The following SULT1C4 variants were observed in gnomAD, a reference collection of about 807,000 sequenced individuals.
SULT1C4 encodes the protein sulfotransferase 1C4.
Under a neutral mutation model 34.8 loss-of-function variants are expected in SULT1C4, and 32 were observed. The observed-to-expected ratio is 0.92, with a 90% confidence interval of 0.69 to 1.23. The LOEUF (loss-of-function observed/expected upper bound fraction) is 1.23, where lower values mean the gene tolerates loss of function less well. Ranked by LOEUF, SULT1C4 falls within the 50% of genes most tolerant of loss-of-function variation. The pLI is 0.00. For missense variants in SULT1C4, 375 were observed against 365.9 expected (o/e 1.02, Z -0.20); for synonymous variants, 111 against 120.5 (o/e 0.92, Z 0.51).
intron 5 of SULT1C4, 39 bp from the exon 6 acceptor site, chr2:108,386,153 T>C: frequency 7.4e-7 from 1 of 1,359,964 alleles, no homozygotes. Context: ...TTAAACTAAT[T>C]CTATTAAATC....
At chr2:108,386,725 G>A (rs2104349437) in intron 6 of SULT1C4, among the ~76,000 whole-genome samples, 1 of 152,336 alleles carries the variant, frequency 6.6e-6, no homozygotes, top group East Asian at 1.9e-4. Flanking sequence ...TACTTACTGA[G>A]GGGCTTCTAT....
chr2:108,378,301 C>A lies in SULT1C4; in HGVS notation c.-37C>A. 1 of 1,595,364 alleles carries A rather than the reference C, an allele frequency of 6.3e-7. No homozygotes were observed. Among genetic ancestry groups the A allele is most frequent in the Middle Eastern group, 1.7e-4 (1 of 5,972 alleles). ...GCAGCCATATGCTGACTGAAGATAACTTTGTGTCTGGAAGAGCCCTCTGAT... is the reference window on the plus strand; with the variant it reads ...GCAGCCATATGCTGACTGAAGATAAATTTGTGTCTGGAAGAGCCCTCTGAT... On this transcript the variant is annotated 5_prime_UTR_variant, in exon 1 of 7. Coordinates refer to ENST00000272452, the MANE Select transcript of SULT1C4 (RefSeq NM_006588.4).
In SULT1C4 at chr2:108,387,689, C is replaced by T. The variant is rs1558703679; in HGVS notation, c.*257C>T. On this transcript the variant is annotated 3_prime_UTR_variant, in exon 7 of 7. Coordinates refer to ENST00000272452, the MANE Select transcript of SULT1C4 (RefSeq NM_006588.4). Reference sequence around the variant, plus strand: ...TCCTGGTATCATTGCCAATTATCATCATATTTACATTTTCTACAATCATGT... The same window carrying T: ...TCCTGGTATCATTGCCAATTATCATTATATTTACATTTTCTACAATCATGT... 5.5e-6 allele frequency: 2 copies of T among 365,244 alleles called. No homozygotes were observed. Among genetic ancestry groups the T allele is most frequent in the Non-Finnish European group, 9.8e-6 (2 of 203,980 alleles). 22.6% of individuals were successfully genotyped at this position (365,244 alleles called of 1,614,324 possible).
In SULT1C4 at chr2:108,378,377, AC is replaced by A. The variant is rs1678299349; in HGVS notation, c.41del (p.Thr14LysfsTer4). On this transcript the variant is annotated frameshift_variant, in exon 1 of 7. Transcript: ENST00000272452. LOFTEE classifies it high-confidence loss of function. ...CATGGAGGATTTTACATTTGATGGA[AC>A]AAAGCGCTTAAGTGTCAACTACGTG... is the stretch of plus-strand genomic sequence containing the variant. ...HDMEDFTFDG[T>X]KRLSVNYVKG... 7 of 1,613,908 alleles carry A rather than the reference AC, an allele frequency of 4.3e-6. No homozygotes were observed. Among genetic ancestry groups the A allele is most frequent in the Non-Finnish European group, 5.9e-6 (7 of 1,179,866 alleles).
At chr2:108,384,440 C>T (rs1021616098) in intron 5 of SULT1C4, among the ~76,000 whole-genome samples, 2 of 152,108 alleles carry the variant, frequency 1.3e-5, no homozygotes, top group Admixed American at 6.5e-5. Flanking sequence ...ACCGTGTTAG[C>T]CAGGTCTCAA....
rs1364467621 is a variant in SULT1C4 at position 108,388,142 on chromosome 2, G to C, written c.*710G>C. The C allele has an allele frequency of 2.0e-5, 3 of 152,152 alleles. No individual in the cohort carries two copies. Among genetic ancestry groups the C allele is most frequent in the Non-Finnish European group, 2.9e-5 (2 of 68,030 alleles). 9.4% of individuals were successfully genotyped at this position (152,152 alleles called of 1,614,324 possible). ...TAAATGCATCACTAACGTGTAAATA[G>C]TGACTGTTTGTTCCAGCAATTTTTT... On this transcript the variant is annotated 3_prime_UTR_variant, in exon 7 of 7. Transcript: ENST00000272452.
Position 108,387,408 on chromosome 2 carries a change from A to T in SULT1C4, c.885A>T (p.Arg295Ser), listed in dbSNP as rs1340301899. 3 of 1,613,130 alleles carry T rather than the reference A, an allele frequency of 1.9e-6. No homozygotes were observed. The highest frequency in any genetic ancestry group is 2.5e-6 in the Non-Finnish European group (3 of 1,179,458). ...ACAAGAAGAAAATGACTGATACCAG[A>T]CTAACTTTCCACTTCCAGTTCTAGT... The part of the protein sequence containing the change: ...EDYKKKMTDT[R>S]LTFHFQF Residue 295 changes from arginine (R) to serine (S), a missense_variant, in exon 7 of 7, where the codon AGA becomes AGT. Arg to Ser is a moderately radical substitution (Grantham distance 110). Coordinates refer to ENST00000272452, the MANE Select transcript of SULT1C4 (RefSeq NM_006588.4).
At chr2:108,386,061 T>C (rs1678558164) in intron 5 of SULT1C4, 131 bp from the exon 6 acceptor site, 2 of 693,426 alleles carry the variant, frequency 2.9e-6, no homozygotes, top group Non-Finnish European at 4.2e-6. Flanking sequence ...ATGAGTCACT[T>C]GAGCATTTGT....
chr2:108,387,689 C>A lies in SULT1C4; in HGVS notation c.*257C>A, dbSNP rs1558703679. Reference sequence around the variant, plus strand: ...TCCTGGTATCATTGCCAATTATCATCATATTTACATTTTCTACAATCATGT... The same window carrying A: ...TCCTGGTATCATTGCCAATTATCATAATATTTACATTTTCTACAATCATGT... On this transcript the variant is annotated 3_prime_UTR_variant, in exon 7 of 7. Coordinates refer to ENST00000272452, the MANE Select transcript of SULT1C4 (RefSeq NM_006588.4). 2.7e-6 allele frequency: 1 copy of A among 365,240 alleles called. No individual in the cohort carries two copies. Among genetic ancestry groups the A allele is most frequent in the Non-Finnish European group, 4.9e-6 (1 of 203,978 alleles). 22.6% of individuals were successfully genotyped at this position (365,240 alleles called of 1,614,324 possible).
intron 2 of SULT1C4, 131 bp downstream of exon 2, chr2:108,382,018 T>A: frequency 9.5e-7 from 1 of 1,050,224 alleles, no homozygotes; most frequent in Non-Finnish European, 1.3e-6. Flanking sequence ...TTTTTTTAAC[T>A]GTGTCTGGCC....
chr2:108,385,659 G>C (rs1678547463), intron 5 of SULT1C4, among the ~76,000 whole-genome samples: 1 of 152,000 alleles, frequency 6.6e-6, no homozygotes, highest in African/African-American at 2.4e-5. Context: ...AGCTACACTG[G>C]AACTCAGCTC....
chr2:108,378,447 A>C lies in SULT1C4; in HGVS notation c.110A>C (p.Lys37Thr), dbSNP rs566330437. 1.8e-5 allele frequency: 29 copies of C among 1,614,226 alleles called. 1 individual carries two copies. The South Asian group carries it at 3.1e-4, about 17-fold the overall frequency. ...ACAGACACCTGTGACATCTGGGATA[A>C]GATCTGGAACTTCCAAGCCAAGCCT... ...QPTDTCDIWD[K>T]IWNFQAKPDD... Residue 37 changes from lysine to threonine, a missense_variant, in exon 1 of 7, where the codon AAG becomes ACG. Lys to Thr is a moderately conservative substitution (Grantham distance 78). Transcript: ENST00000272452.
At chr2:108,381,118 C>T (rs1167218869) in intron 1 of SULT1C4, among the ~76,000 whole-genome samples, 1 of 152,110 alleles carries the variant, frequency 6.6e-6, no homozygotes, top group Non-Finnish European at 1.5e-5. Flanking sequence ...TTCTCTATAG[C>T]AGATCACAAT....
intron 6 of SULT1C4, among the ~76,000 whole-genome samples, 154 bp downstream of exon 6, chr2:108,386,526 A>G (rs960701987): frequency 2.0e-5 from 3 of 152,238 alleles, no homozygotes; most frequent in African/African-American, 7.2e-5. Context: ...TAAAATGAAA[A>G]TCGCGTTTAA....
At chr2:108,385,667 C>A (rs1190059135) in intron 5 of SULT1C4, among the ~76,000 whole-genome samples, 1 of 152,128 alleles carries the variant, frequency 6.6e-6, no homozygotes, top group Non-Finnish European at 1.5e-5. Context: ...TGGAACTCAG[C>A]TCCTCTCAGT....
At position 108,378,470 on chromosome 2, in the gene SULT1C4, C is replaced by G; in HGVS notation, c.133C>G (p.Pro45Ala). The G allele has an allele frequency of 6.2e-7, 1 of 1,614,084 alleles. No homozygotes were observed. The highest frequency in any genetic ancestry group is 8.5e-7 in the Non-Finnish European group (1 of 1,180,002). The change falls in exon 1 of 7, where the codon CCT becomes GCT. Residue 45 changes from proline (P) to alanine (A), a missense_variant. Physicochemically the swap from Pro to Ala is conservative, Grantham distance 27 (BLOSUM62 -1). Coordinates refer to ENST00000272452, the MANE Select transcript of SULT1C4 (RefSeq NM_006588.4). Reference protein sequence around the residue: ...WDKIWNFQAKPDDLLISTYPK... With the variant: ...WDKIWNFQAKADDLLISTYPK... Reference sequence around the variant, plus strand: ...TAAGATCTGGAACTTCCAAGCCAAGCCTGATGACCTGCTTATTTCTACCTA... The same window carrying G: ...TAAGATCTGGAACTTCCAAGCCAAGGCTGATGACCTGCTTATTTCTACCTA...
rs1678292337 is a variant in SULT1C4, at chr2:108,378,169, G to A, written c.-169G>A. 2 of 548,576 alleles carry A rather than the reference G, an allele frequency of 3.6e-6. No individual in the cohort carries two copies. The highest frequency in any genetic ancestry group is 3.1e-5 in the South Asian group (1 of 31,866). 34.0% of individuals were successfully genotyped at this position (548,576 alleles called of 1,614,324 possible). A position where few individuals can be genotyped will look rare whatever the true frequency, so the allele number is the denominator to read the frequency against. On this transcript the variant is annotated 5_prime_UTR_variant, in exon 1 of 7. Coordinates refer to ENST00000272452, the MANE Select transcript of SULT1C4 (RefSeq NM_006588.4). ...TCCAGTTCCCTGGAACCTGAGTCGGGAGGCCTGCAACTCACTTTCTCCCTG... is the reference window on the plus strand; with the variant it reads ...TCCAGTTCCCTGGAACCTGAGTCGGAAGGCCTGCAACTCACTTTCTCCCTG...
chr2:108,387,666 C>T lies in SULT1C4; in HGVS notation c.*234C>T. 2.3e-6 allele frequency: 1 copy of T among 440,726 alleles called. No homozygotes were observed. Among genetic ancestry groups the T allele is most frequent in the Non-Finnish European group, 4.0e-6 (1 of 249,696 alleles). The allele number at this position is 440,726 out of a possible 1,614,324, so 27.3% of individuals were successfully genotyped here. ...GCTCAATAAATCACTAGGTACAATC[C>T]TGGTATCATTGCCAATTATCATCAT... On this transcript the variant is annotated 3_prime_UTR_variant, in exon 7 of 7. Coordinates refer to ENST00000272452, the MANE Select transcript of SULT1C4 (RefSeq NM_006588.4).
intron 5 of SULT1C4, 64 bp from the exon 6 acceptor site, chr2:108,386,128 A>G: frequency 8.1e-7 from 1 of 1,242,060 alleles, no homozygotes. Flanking sequence ...TCATTAATCC[A>G]TCATAATATT....
Sources: allele counts gnomAD v4.1 joint callset (sites outside exome capture counted in the v4.1 genomes callset), GRCh38; gene constraint gnomAD v4.1.1; transcripts MANE v1.5; gene names NCBI Gene and HGNC (gene_info 2026-07-23, HGNC 2026-07-21).